SRBD1: variants seen among roughly 807,000 people sequenced by gnomAD.
SRBD1 encodes the protein S1 RNA binding domain 1.
A neutral mutation model predicts 115.3 loss-of-function variants in SRBD1; 88 were observed. The observed-to-expected ratio is 0.76, with a 90% confidence interval of 0.64 to 0.91. SRBD1 has a LOEUF of 0.91. Ranked by LOEUF, SRBD1 falls within the 40% of genes least tolerant of loss-of-function variation. The pLI, the probability that SRBD1 is intolerant of heterozygous loss-of-function variation, is 0.00. For missense variants in SRBD1, 1,385 were observed against 1,177.4 expected (o/e 1.18, Z -2.58); for synonymous variants, 509 against 407.7 (o/e 1.25, Z -2.99).
chr2:45,456,234 A>G (rs1669148655), intron 16 of SRBD1, among the ~76,000 whole-genome samples: 1 of 151,904 alleles, frequency 6.6e-6, no homozygotes, highest in South Asian at 2.1e-4. Context: ...AAAGAATGAA[A>G]CAATTAGAAA....
At chr2:45,495,954 C>T (rs1031819947) in intron 14 of SRBD1, among the ~76,000 whole-genome samples, 2 of 152,210 alleles carry the variant, frequency 1.3e-5, no homozygotes, top group African/African-American at 4.8e-5. Flanking sequence ...AAAGTTGCTT[C>T]TCCTGATTCT....
chr2:45,470,351 A>T (rs183999839), intron 16 of SRBD1, among the ~76,000 whole-genome samples: 2 of 152,248 alleles, frequency 1.3e-5, no homozygotes, highest in African/African-American at 4.8e-5. Flanking sequence ...TTCCTTTTAC[A>T]GTAATTATTC....
rs748031649 is a variant in SRBD1, at chr2:45,539,784, C to T, written c.1874+6948G>A. On this transcript the variant is annotated intron_variant, in intron 14 of 20. Transcript: ENST00000263736. ...ATCAGTCCAGGCCTAAATGAATTCC[C>T]ACAAAGTTCCACCAAAATAAAAAGC... Among the ~76,000 whole-genome samples the T allele has an allele frequency of 4.6e-5, 7 of 152,108 alleles. No homozygotes were observed. The South Asian group carries it at 1.2e-3, about 27-fold the overall frequency.
intron 16 of SRBD1, among the ~76,000 whole-genome samples, chr2:45,459,418 C>T (rs1669248205): frequency 6.6e-6 from 1 of 152,158 alleles, no homozygotes; most frequent in Admixed American, 6.5e-5. Context: ...TCCCCATTGG[C>T]TGCTTCTGTC....
chr2:45,489,956 G>C (rs1363673160), intron 14 of SRBD1, among the ~76,000 whole-genome samples: 2 of 152,074 alleles, frequency 1.3e-5, no homozygotes, highest in Non-Finnish European at 2.9e-5. Flanking sequence ...CTCTTCCTTT[G>C]CCTTTTTCTT....
rs752080274 is a variant in SRBD1 at position 45,599,543 on chromosome 2, T to C, written c.554A>G (p.Lys185Arg). Residue 185 changes from lysine to arginine, a missense_variant, in exon 4 of 21, where the codon AAG (lysine) becomes AGG (arginine). By Grantham distance (26) the Lys-to-Arg change is conservative (BLOSUM62 2). Transcript: ENST00000263736. ...TFGQSALKKI[K>R]TETYPQGQPV... ...CTGCCCCTGAGGATATGTCTCAGTC[T>C]TGATTTTCTTTAAAGCGGACTGACC... The C allele has an allele frequency of 1.9e-6, 3 of 1,614,242 alleles. No homozygotes were observed. The South Asian group carries it at 3.3e-5, about 18-fold the overall frequency.
intron 16 of SRBD1, among the ~76,000 whole-genome samples, chr2:45,470,254 A>G (rs889841772): frequency 2.6e-5 from 4 of 152,190 alleles, no homozygotes; most frequent in Non-Finnish European, 5.9e-5. Context: ...TTTACATAGA[A>G]TTGATTCCAC....
At chr2:45,519,486 C>G (rs1671217673) in intron 14 of SRBD1, among the ~76,000 whole-genome samples, 1 of 152,192 alleles carries the variant, frequency 6.6e-6, no homozygotes, top group Non-Finnish European at 1.5e-5. Context: ...ACAAGAGTAT[C>G]TTTGATTAAG....
chr2:45,476,946 C>G (rs572965272), intron 16 of SRBD1, 47 bp downstream of exon 16: 1 of 1,549,210 alleles, frequency 6.5e-7, no homozygotes, highest in East Asian at 2.3e-5. Context: ...GAGTACTGCT[C>G]CTTGTATTGA....
chr2:45,476,810 GA>G (rs1407061657), intron 16 of SRBD1, among the ~76,000 whole-genome samples, 182 bp downstream of exon 16: 1 of 152,062 alleles, frequency 6.6e-6, no homozygotes, highest in African/African-American at 2.4e-5. Context: ...TCATTAACAC[GA>G]GAACAACAAT....
chr2:45,423,741 A>G (rs898391495), intron 16 of SRBD1, among the ~76,000 whole-genome samples: 2 of 152,164 alleles, frequency 1.3e-5, no homozygotes, highest in Non-Finnish European at 2.9e-5. Context: ...CTCAAGAAGA[A>G]AGAAACCTAC....
intron 11 of SRBD1, among the ~76,000 whole-genome samples, chr2:45,552,255 T>C (rs903851815): frequency 5.3e-5 from 8 of 152,224 alleles, no homozygotes; most frequent in Non-Finnish European, 1.0e-4. Flanking sequence ...TTAACTGCTA[T>C]TCAGGTTAAG....
In SRBD1 at chr2:45,599,703, T is replaced by C; in HGVS notation, c.394A>G (p.Lys132Glu). The change falls in exon 4 of 21, where the codon AAG (lysine) becomes GAG (glutamate). Residue 132 changes from lysine to glutamate, a missense_variant. Coordinates refer to ENST00000263736, the MANE Select transcript of SRBD1 (RefSeq NM_018079.5). ...CTGGTTTCTTCTTCAACTTTCAGCT[T>C]TTTAGTCCTTCGAACTGTATGTGGC... Reference protein sequence around the residue: ...AQPHTVRRTKKLKVEEETSKA... With the variant: ...AQPHTVRRTKELKVEEETSKA... 1 of 1,614,224 alleles carries C rather than the reference T, an allele frequency of 6.2e-7. No homozygotes were observed. Among genetic ancestry groups the C allele is most frequent in the Non-Finnish European group, 8.5e-7 (1 of 1,180,040 alleles).
intron 16 of SRBD1, among the ~76,000 whole-genome samples, chr2:45,461,669 C>A (rs1279588571): frequency 6.6e-6 from 1 of 151,960 alleles, no homozygotes; most frequent in East Asian, 1.9e-4. Context: ...CCCCCCCCAA[C>A]TTTTAAATCT....
chr2:45,438,219 G>T (rs1408307225), intron 16 of SRBD1, among the ~76,000 whole-genome samples: 1 of 152,092 alleles, frequency 6.6e-6, no homozygotes, highest in Non-Finnish European at 1.5e-5. Flanking sequence ...ATTCTGATCT[G>T]ATAGTCTGAT....
intron 10 of SRBD1, among the ~76,000 whole-genome samples, chr2:45,557,112 A>T (rs1672504018): frequency 6.6e-6 from 1 of 152,182 alleles, no homozygotes; most frequent in African/African-American, 2.4e-5. Flanking sequence ...CGGTAAATTG[A>T]AGTAACTATA....
intron 15 of SRBD1, among the ~76,000 whole-genome samples, chr2:45,484,371 T>C (rs1433653333): frequency 6.6e-6 from 1 of 152,134 alleles, no homozygotes; most frequent in African/African-American, 2.4e-5. Context: ...CACAGGTTTA[T>C]TCCTAACATC....
chr2:45,429,559 A>T (rs905661276), intron 16 of SRBD1, among the ~76,000 whole-genome samples: 1 of 152,206 alleles, frequency 6.6e-6, no homozygotes, highest in Non-Finnish European at 1.5e-5. Context: ...GATTATCTCA[A>T]TAGATGCAGA....
intron 3 of SRBD1, among the ~76,000 whole-genome samples, chr2:45,601,570 C>T (rs1010358706): frequency 2.6e-5 from 4 of 152,208 alleles, no homozygotes; most frequent in Admixed American, 1.3e-4. Context: ...ATAAAATCAG[C>T]ATAAAAGCAC....
Sources: gnomAD v4.1 joint callset for allele counts (sites outside exome capture counted in the v4.1 genomes callset) on GRCh38, gnomAD v4.1.1 for gene constraint, MANE v1.5 for transcripts, NCBI Gene and HGNC (gene_info 2026-07-23, HGNC 2026-07-21) for gene names.